The following SLC25A16 variants were observed in gnomAD, a reference collection of about 807,000 sequenced individuals.
SLC25A16 encodes solute carrier family 25 member 16, also known as mitochondrial coenzyme A transporter SLC25A16.
Under a neutral mutation model 41.5 loss-of-function variants are expected in SLC25A16, and 39 were observed. The ratio of observed to expected loss-of-function variants is 0.94; its 90% confidence interval spans 0.73 to 1.23. The LOEUF (loss-of-function observed/expected upper bound fraction) is 1.23. Ranked by LOEUF, SLC25A16 falls within the 50% of genes most tolerant of loss-of-function variation. The probability of loss-of-function intolerance (pLI) is 0.00; values close to 1 mark genes in which losing one functional copy is unlikely to be tolerated. For missense variants in SLC25A16, 421 were observed against 426.9 expected (o/e 0.99, Z 0.12); for synonymous variants, 146 against 147.8 (o/e 0.99, Z 0.09).
At chr10:68,513,406 C>CAA (rs1266974459) in intron 2 of SLC25A16, among the ~76,000 whole-genome samples, 120 of 58,594 alleles carry the variant, frequency 2.0e-3, no homozygotes, top group African/African-American at 6.7e-3. Flanking sequence ...AAGACCATCT[C>CAA]AAAAAAAAAA....
Position 68,479,579 on chromosome 10 carries a change from C to A in SLC25A16, c.*3853G>T, listed in dbSNP as rs1185381340. 1 of 149,844 alleles carries A rather than the reference C, an allele frequency of 6.7e-6. No homozygotes were observed. The highest frequency in any genetic ancestry group is 1.5e-5 in the Non-Finnish European group (1 of 67,858). 9.3% of individuals were successfully genotyped at this position (149,844 alleles called of 1,614,324 possible). A position where few individuals can be genotyped will look rare whatever the true frequency, so the allele number is the denominator to read the frequency against. ...CCAGCATTTTGGGAAGTCGGGGGGG[C>A]AGATCACTTGAGGTCAGGTATTCAA... On this transcript the variant is annotated 3_prime_UTR_variant, in exon 9 of 9. Coordinates refer to ENST00000609923, the MANE Select transcript of SLC25A16 (RefSeq NM_152707.4).
chr10:68,499,194 G>T (rs1399473520), intron 4 of SLC25A16, among the ~76,000 whole-genome samples: 1 of 152,146 alleles, frequency 6.6e-6, no homozygotes, highest in Non-Finnish European at 1.5e-5. Flanking sequence ...GGTTTTGGGT[G>T]ATCTGCCCAT....
rs544134936 is a variant in SLC25A16, at chr10:68,491,413, C to T, written c.610+1719G>A. ...GCTAATTTTGTATTTTTAGTAGAGACGGTGTTTCTCCATGTTGGTCAGGCT... is the reference window on the plus strand; with the variant it reads ...GCTAATTTTGTATTTTTAGTAGAGATGGTGTTTCTCCATGTTGGTCAGGCT... On this transcript the variant is annotated intron_variant, in intron 6 of 8. Transcript: ENST00000609923. Among the ~76,000 whole-genome samples the T allele has an allele frequency of 4.6e-5, 7 of 152,004 alleles. No individual in the cohort carries two copies. In the South Asian group the frequency reaches 1.0e-3, roughly 23 times the overall value.
chr10:68,526,765 CT>C, intron 1 of SLC25A16, among the ~76,000 whole-genome samples: 1 of 152,198 alleles, frequency 6.6e-6, no homozygotes, highest in South Asian at 2.1e-4. Flanking sequence ...TCACAGTTTA[CT>C]AGAATCACTG....
intron 2 of SLC25A16, among the ~76,000 whole-genome samples, chr10:68,515,328 G>A (rs2053142574): frequency 7.0e-6 from 1 of 143,148 alleles, no homozygotes; most frequent in African/African-American, 2.6e-5. Flanking sequence ...TTTCACTCTA[G>A]CTTGGGCCAC....
chr10:68,506,589 T>TTA lies in SLC25A16; in HGVS notation c.351_352dup (p.Lys118IlefsTer4). Reference sequence around the variant, plus strand: ...AAAAGATCAAAGTTTAACTACCGTTTTATAATGCTCAAATGCCATAAACTG... The same window carrying TTA: ...AAAAGATCAAAGTTTAACTACCGTTTTATATAATGCTCAAATGCCATAAACTG... On this transcript the variant is annotated frameshift_variant, in exon 3 of 9. Coordinates refer to ENST00000609923, the MANE Select transcript of SLC25A16 (RefSeq NM_152707.4). LOFTEE classifies it high-confidence loss of function. 1 of 1,577,996 alleles carries TTA rather than the reference T, an allele frequency of 6.3e-7. No individual in the cohort carries two copies. The highest frequency in any genetic ancestry group is 8.6e-7 in the Non-Finnish European group (1 of 1,165,366).
intron 4 of SLC25A16, 114 bp from the exon 5 acceptor site, chr10:68,493,684 AAAGG>A: frequency 3.6e-6 from 3 of 823,098 alleles, no homozygotes; most frequent in South Asian, 1.6e-5. Flanking sequence ...CAATAAAATC[AAAGG>A]TGATATTACT....
chr10:68,501,731 G>A (rs2052849063), intron 4 of SLC25A16, among the ~76,000 whole-genome samples: 1 of 151,914 alleles, frequency 6.6e-6, no homozygotes, highest in Admixed American at 6.6e-5. Flanking sequence ...GCCATCCTGG[G>A]CAACGGAGCA....
intron 2 of SLC25A16, among the ~76,000 whole-genome samples, chr10:68,511,925 TG>T (rs1247424257): frequency 2.0e-5 from 3 of 151,994 alleles, no homozygotes; most frequent in Admixed American, 2.0e-4. Context: ...AGCACAGTCT[TG>T]GCTCACTGCA....
At chr10:68,493,399 C>G (rs1204579448) in intron 5 of SLC25A16, 50 bp downstream of exon 5, 6 of 1,486,478 alleles carry the variant, frequency 4.0e-6, no homozygotes, top group Admixed American at 3.5e-5. Flanking sequence ...AAAATATTTT[C>G]CTAAGTATAA....
intron 3 of SLC25A16, among the ~76,000 whole-genome samples, chr10:68,504,017 CTTTTTT>C (rs148285905): frequency 9.9e-5 from 7 of 70,870 alleles, no homozygotes; most frequent in Admixed American, 3.3e-4. Context: ...TAAACTGCTA[CTTTTTT>C]TTTTTTTTTT....
At chr10:68,526,273 G>A (rs2053336903) in intron 1 of SLC25A16, among the ~76,000 whole-genome samples, 1 of 151,996 alleles carries the variant, frequency 6.6e-6, no homozygotes, top group African/African-American at 2.4e-5. Flanking sequence ...GGACCTGCGG[G>A]CAGCAATACT....
intron 2 of SLC25A16, among the ~76,000 whole-genome samples, chr10:68,515,721 C>G (rs1480293263): frequency 6.6e-6 from 1 of 152,104 alleles, no homozygotes. Context: ...TCGCTTGAAC[C>G]TGGGAGGCAG....
chr10:68,509,737 A>ATCTATC (rs1554919957), intron 2 of SLC25A16, among the ~76,000 whole-genome samples: 2,240 of 143,742 alleles, frequency 0.016, 65 homozygotes, highest in African/African-American at 0.052. Flanking sequence ...CTATCTATAT[A>ATCTATC]TATATCTATA....
In SLC25A16 at chr10:68,506,637, C is replaced by T. The variant is rs748414815; in HGVS notation, c.305G>A (p.Arg102Gln). 3.7e-6 allele frequency: 6 copies of T among 1,604,350 alleles called. No homozygotes were observed. The highest frequency in any genetic ancestry group is 1.7e-4 in the Middle Eastern group (1 of 5,998). The change falls in exon 3 of 9, where the codon CGA (arginine) becomes CAA (glutamine). Residue 102 changes from arginine (R) to glutamine (Q), a missense_variant. By Grantham distance (43) the Arg-to-Gln change is conservative. Coordinates refer to ENST00000609923, the MANE Select transcript of SLC25A16 (RefSeq NM_152707.4). ...CTGGATTGCACCATAGGGAAAGATT[C>T]GAATCATCATTGCACCATTTCCTTT... ...LYKGNGAMMI[R>Q]IFPYGAIQFM...
intron 5 of SLC25A16, 78 bp from the exon 6 acceptor site, chr10:68,493,276 AT>A: frequency 8.3e-7 from 1 of 1,206,360 alleles, no homozygotes; most frequent in Admixed American, 2.1e-5. Flanking sequence ...ATCACACTTT[AT>A]AACAGAAAAA....
chr10:68,519,830 G>A (rs999862140), intron 1 of SLC25A16, among the ~76,000 whole-genome samples: 5 of 151,004 alleles, frequency 3.3e-5, no homozygotes, highest in Non-Finnish European at 4.4e-5. Context: ...CAGGAGAATC[G>A]CTTGAACCCG....
Position 68,488,544 on chromosome 10 carries a change from A to G in SLC25A16, c.696T>C (p.Asn232=). The G allele has an allele frequency of 1.2e-6, 2 of 1,601,714 alleles. No homozygotes were observed. The highest frequency in any genetic ancestry group is 2.3e-5 in the South Asian group (2 of 87,918). The change falls in exon 7 of 9, where the codon AAT becomes AAC. Residue 232 remains asparagine (N), a synonymous_variant. Transcript: ENST00000609923. ...PTLLGRPSSD[N]PNVLVLKTHV... is the part of the protein sequence containing the mutation. ...GAGTTTTCAAAACTAAGACATTAGGATTGTCTGATGAAGGTCTGCCAAGAA... is the reference window on the plus strand; with the variant it reads ...GAGTTTTCAAAACTAAGACATTAGGGTTGTCTGATGAAGGTCTGCCAAGAA...
At chr10:68,495,781 CAAA>C (rs60845242) in intron 4 of SLC25A16, among the ~76,000 whole-genome samples, 1 of 89,630 alleles carries the variant, frequency 1.1e-5, no homozygotes. Flanking sequence ...GACTATGTCT[CAAA>C]AAAAAAAAAA....
Sources: allele counts gnomAD v4.1 joint callset (sites outside exome capture counted in the v4.1 genomes callset), GRCh38; gene constraint gnomAD v4.1.1; transcripts MANE v1.5; gene names NCBI Gene and HGNC (gene_info 2026-07-23, HGNC 2026-07-21).